The following RANBP2 variants were observed in gnomAD, a reference collection of about 807,000 sequenced individuals.
RANBP2 encodes the protein RAN binding protein 2, also known as E3 SUMO-protein ligase RanBP2.
Under a neutral mutation model 303.6 loss-of-function variants are expected in RANBP2, and 57 were observed. The observed-to-expected ratio is 0.19, with a 90% CI of 0.15 to 0.23. The LOEUF is 0.23. Among genes scored for constraint, RANBP2 ranks in the 10% least tolerant of loss-of-function variants. RANBP2 has a pLI of 1.00. For missense variants in RANBP2, 3,138 were observed against 3,780.8 expected (o/e 0.83, Z 4.46); for synonymous variants, 1,167 against 1,301.5 (o/e 0.90, Z 2.23).
the RANBP2 span, among the ~76,000 whole-genome samples, chr2:109,083,987 A>G: frequency 6.6e-6 from 1 of 152,082 alleles, no homozygotes; most frequent in Admixed American, 6.5e-5. Context: ...ATCATGATTT[A>G]CCTTGATCTT....
At chr2:109,049,756 A>G in the RANBP2 span, among the ~76,000 whole-genome samples, 1 of 152,120 alleles carries the variant, frequency 6.6e-6, no homozygotes, top group Admixed American at 6.5e-5. Context: ...AAACATGGGG[A>G]TTTATGGAGT....
the RANBP2 span, among the ~76,000 whole-genome samples, chr2:109,629,302 GATATATATATATATATATAT>G: frequency 5.0e-3 from 389 of 77,622 alleles, 9 homozygotes; most frequent in South Asian, 0.013. Flanking sequence ...CTGGCCTAAA[GATATATATATATATATATAT>G]ATATATATAT....
chr2:108,858,239 G>A, the RANBP2 span, among the ~76,000 whole-genome samples: 1 of 152,162 alleles, frequency 6.6e-6, no homozygotes, highest in Admixed American at 6.5e-5. Context: ...AGCTACTCAG[G>A]ACGCTGAGGC....
At chr2:108,736,049 T>G (rs1695556236) in intron 5 of RANBP2, 55 bp from the exon 6 acceptor site, 2 of 1,611,504 alleles carry the variant, frequency 1.2e-6, no homozygotes, top group Non-Finnish European at 1.7e-6. Flanking sequence ...TTAAAATGAT[T>G]AATTTCTTAA....
the RANBP2 span, chr2:109,129,556 T>A: frequency 1.5e-5 from 22 of 1,492,498 alleles, no homozygotes; most frequent in Non-Finnish European, 1.9e-5. Context: ...GCTCGGAGCG[T>A]CCTGGCTGTG....
At chr2:109,159,136 G>T in the RANBP2 span, among the ~76,000 whole-genome samples, 1 of 112,616 alleles carries the variant, frequency 8.9e-6, no homozygotes, top group Admixed American at 8.7e-5. Flanking sequence ...AAACAAAAAG[G>T]TGCCCTTACA....
chr2:108,957,265 C>T, the RANBP2 span, among the ~76,000 whole-genome samples: 12 of 152,208 alleles, frequency 7.9e-5, no homozygotes, highest in Admixed American at 5.2e-4. Context: ...ACCTTCGCTT[C>T]GTGAGACAGA....
chr2:108,987,277 A>G, the RANBP2 span, among the ~76,000 whole-genome samples: 144,657 of 152,356 alleles, frequency 0.95, 69,111 homozygotes, highest in East Asian at 1. Flanking sequence ...CCCAGCTTCC[A>G]TCTGTGGGCC....
the RANBP2 span, among the ~76,000 whole-genome samples, chr2:109,213,910 G>C: frequency 6.6e-6 from 1 of 152,336 alleles, no homozygotes; most frequent in Middle Eastern, 3.4e-3. Flanking sequence ...GGACACTGGT[G>C]TCAGAGTGTG....
chr2:109,693,621 T>TTCAC, the RANBP2 span, among the ~76,000 whole-genome samples: 5 of 152,240 alleles, frequency 3.3e-5, no homozygotes, highest in Non-Finnish European at 5.9e-5. Flanking sequence ...AGACGTGACT[T>TTCAC]TCACCTTCTG....
the RANBP2 span, among the ~76,000 whole-genome samples, chr2:109,555,523 G>C: frequency 6.6e-6 from 1 of 152,194 alleles, no homozygotes; most frequent in Non-Finnish European, 1.5e-5. Context: ...TATACCACTG[G>C]AGGCTATATT....
At position 108,763,723 on chromosome 2, in the gene RANBP2, A is replaced by G. The variant is rs201854838; in HGVS notation, c.3184A>G (p.Asn1062Asp). The stretch of plus-strand genomic sequence containing the variant: ...ACAGCCCCCTCCTGCAGCTTACAGT[A>G]ACAGTGAAAGCCTTTTAGGTCTCCT... ...VTQPPPAAYS[N>D]SESLLGLLTS... The change falls in exon 20 of 29, where the codon AAC becomes GAC. Residue 1062 changes from asparagine to aspartate, a missense_variant. By Grantham distance (23) the Asn-to-Asp change is conservative. Coordinates refer to ENST00000283195, the MANE Select transcript of RANBP2 (RefSeq NM_006267.5). 27 of 1,613,962 alleles carry G rather than the reference A, an allele frequency of 1.7e-5. No homozygotes were observed. The highest frequency in any genetic ancestry group is 2.3e-5 in the Non-Finnish European group (27 of 1,179,974).
At chr2:109,038,565 G>A in the RANBP2 span, among the ~76,000 whole-genome samples, 1 of 152,154 alleles carries the variant, frequency 6.6e-6, no homozygotes, top group African/African-American at 2.4e-5. Context: ...TTTGCCCCGT[G>A]AAAGACCTTA....
At chr2:108,819,266 G>T in the RANBP2 span, among the ~76,000 whole-genome samples, 1 of 152,196 alleles carries the variant, frequency 6.6e-6, no homozygotes, top group Admixed American at 6.5e-5. Context: ...GTGGCATTTT[G>T]CATGTGTGTT....
the RANBP2 span, among the ~76,000 whole-genome samples, chr2:108,956,613 A>G: frequency 6.6e-6 from 1 of 152,162 alleles, no homozygotes; most frequent in Non-Finnish European, 1.5e-5. Flanking sequence ...AATTTCCCTC[A>G]TAGATGCTTG....
At chr2:109,715,772 C>T in the RANBP2 span, among the ~76,000 whole-genome samples, 1 of 152,190 alleles carries the variant, frequency 6.6e-6, no homozygotes, top group Admixed American at 6.5e-5. Flanking sequence ...TCTGGTTCAC[C>T]TGGCAGCCAG....
At chr2:109,718,944 A>G in the RANBP2 span, among the ~76,000 whole-genome samples, 1 of 137,324 alleles carries the variant, frequency 7.3e-6, no homozygotes, top group Non-Finnish European at 1.5e-5. Flanking sequence ...AGGGAGTCAG[A>G]GGTTGCAGTG....
At chr2:108,789,248 C>A (rs76653570), downstream of RANBP2, among the ~76,000 whole-genome samples, 1 of 152,104 alleles carries the variant, frequency 6.6e-6, no homozygotes, top group Non-Finnish European at 1.5e-5. Context: ...GTTATTCATT[C>A]AGGACCCAAA....
rs1558932797 is a variant in RANBP2 at position 108,772,556 on chromosome 2, T to G, written c.8088T>G (p.Cys2696Trp). The G allele has an allele frequency of 6.2e-7, 1 of 1,613,900 alleles. No individual in the cohort carries two copies. The highest frequency in any genetic ancestry group is 1.1e-5 in the South Asian group (1 of 91,074). ...GKLYLDGSEK[C>W]RPLEENTADN... ...TATATTTGGATGGCTCAGAAAAATG[T>G]AGACCCTTGGAAGAAAATACAGCAG... Residue 2696 changes from cysteine to tryptophan, a missense_variant, in exon 22 of 29, where the codon TGT becomes TGG. Coordinates refer to ENST00000283195, the MANE Select transcript of RANBP2 (RefSeq NM_006267.5).
Sources: gnomAD v4.1 joint callset for allele counts (sites outside exome capture counted in the v4.1 genomes callset) on GRCh38, gnomAD v4.1.1 for gene constraint, MANE v1.5 for transcripts, NCBI Gene and HGNC (gene_info 2026-07-23, HGNC 2026-07-21) for gene names.